FARS2: variants seen among roughly 807,000 people sequenced by gnomAD.
FARS2 encodes phenylalanine--tRNA ligase, mitochondrial.
A neutral mutation model predicts 46.4 loss-of-function variants in FARS2; 40 were observed. That is an observed-to-expected ratio of 0.86 (90% CI 0.67 to 1.12). The LOEUF (loss-of-function observed/expected upper bound fraction) is 1.12. Among genes scored for constraint, FARS2 ranks in the 50% most tolerant of loss-of-function variants. FARS2 has a pLI of 0.00. For synonymous variants in FARS2, 234 were observed against 214.9 expected, an observed-to-expected ratio of 1.09 and a Z score of -0.78; for missense variants, 513 against 567.9, an observed-to-expected ratio of 0.90 and a Z score of 0.98.
At chr6:5,506,603 C>A (rs1215624484) in intron 4 of FARS2, among the ~76,000 whole-genome samples, 1 of 152,164 alleles carries the variant, frequency 6.6e-6, no homozygotes, top group Non-Finnish European at 1.5e-5. Flanking sequence ...CCTAAGATTC[C>A]AGACGGGTAT....
chr6:5,647,106 A>C (rs1482277064), intron 6 of FARS2, among the ~76,000 whole-genome samples: 1 of 152,208 alleles, frequency 6.6e-6, no homozygotes, highest in Non-Finnish European at 1.5e-5. Context: ...TGTGTTCCTC[A>C]CCAACGGTAA....
At chr6:5,701,970 C>G (rs1275289888) in intron 6 of FARS2, among the ~76,000 whole-genome samples, 1 of 152,120 alleles carries the variant, frequency 6.6e-6, no homozygotes, top group Non-Finnish European at 1.5e-5. Flanking sequence ...TTGTCAGATA[C>G]AAAATACAGC....
chr6:5,623,585 G>A (rs4960111), intron 6 of FARS2, among the ~76,000 whole-genome samples: 47,325 of 151,732 alleles, frequency 0.31, 7,795 homozygotes, highest in African/African-American at 0.42. Context: ...GGTGGCACGC[G>A]CCTGTAATCC....
chr6:5,685,328 C>T (rs1032587480), intron 6 of FARS2, among the ~76,000 whole-genome samples: 6 of 152,222 alleles, frequency 3.9e-5, no homozygotes, highest in African/African-American at 1.2e-4. Flanking sequence ...GGTCTCTTCA[C>T]ACTAAAGTAT....
At chr6:5,557,427 T>A (rs1164921390) in intron 5 of FARS2, among the ~76,000 whole-genome samples, 2 of 152,022 alleles carry the variant, frequency 1.3e-5, no homozygotes, top group Non-Finnish European at 2.9e-5. Flanking sequence ...TTCATAAGAG[T>A]GAGGGAGAGT....
intron 6 of FARS2, among the ~76,000 whole-genome samples, chr6:5,740,656 C>A (rs573482564): frequency 3.1e-4 from 47 of 152,286 alleles, no homozygotes; most frequent in Non-Finnish European, 5.4e-4. Context: ...AGGAAGAAAG[C>A]GTGCTTCACC....
At chr6:5,573,949 C>G (rs1035676592) in intron 5 of FARS2, among the ~76,000 whole-genome samples, 4 of 152,108 alleles carry the variant, frequency 2.6e-5, no homozygotes, top group African/African-American at 9.7e-5. Context: ...GGTCTGTGAC[C>G]TAATGTATTT....
intron 6 of FARS2, among the ~76,000 whole-genome samples, chr6:5,768,333 A>C (rs1762854873): frequency 6.6e-6 from 1 of 152,208 alleles, no homozygotes; most frequent in Non-Finnish European, 1.5e-5. Context: ...ATTTACACCT[A>C]ATTCATCAAA....
intron 4 of FARS2, among the ~76,000 whole-genome samples, chr6:5,437,683 A>G (rs1019589735): frequency 6.6e-6 from 1 of 151,998 alleles, no homozygotes; most frequent in Non-Finnish European, 1.5e-5. Context: ...CTTCCTCCCC[A>G]GTTACCTTTA....
At chr6:5,407,068 A>ATATATATATATATATATATATATATATAT (rs1562017961) in intron 3 of FARS2, among the ~76,000 whole-genome samples, 3 of 42,874 alleles carry the variant, frequency 7.0e-5, no homozygotes, top group Non-Finnish European at 1.4e-4. Context: ...TATATATATA[A>ATATATATATATATATATATATATATATAT]TGACCAATAA....
At chr6:5,549,179 CTT>C (rs113605580) in intron 5 of FARS2, among the ~76,000 whole-genome samples, 2 of 140,874 alleles carry the variant, frequency 1.4e-5, no homozygotes, top group Admixed American at 7.2e-5. Context: ...ACTTTTCTGG[CTT>C]TTTTTTTTTT....
intron 2 of FARS2, among the ~76,000 whole-genome samples, chr6:5,390,916 G>C (rs189272693): frequency 6.6e-6 from 1 of 152,192 alleles, no homozygotes; most frequent in South Asian, 2.1e-4. Context: ...CCAAGAAACT[G>C]TTCACATTGA....
At chr6:5,572,733 C>A (rs976397130) in intron 5 of FARS2, among the ~76,000 whole-genome samples, 2 of 152,064 alleles carry the variant, frequency 1.3e-5, no homozygotes, top group African/African-American at 4.8e-5. Context: ...TTCTATCCAT[C>A]CTAGATCTAC....
In FARS2 at chr6:5,576,634, C is replaced by CAT. The variant is rs149957723; in HGVS notation, c.1065+31305_1065+31306dup. Among the ~76,000 whole-genome samples the CAT allele has an allele frequency of 5.2e-3, 751 of 145,770 alleles. 6 individuals are homozygous for CAT. The highest frequency in any genetic ancestry group is 0.018 in the African/African-American group (715 of 39,976). ...ATATAAAGTATATATCATATATTAACATATATATATATCCTATTAGTTCTG... is the reference window on the plus strand; with the variant it reads ...ATATAAAGTATATATCATATATTAACATATATATATATATCCTATTAGTTCTG... On this transcript the variant is annotated intron_variant, in intron 5 of 6. Transcript: ENST00000274680.
intron 5 of FARS2, among the ~76,000 whole-genome samples, chr6:5,598,272 A>G (rs1446499266): frequency 6.6e-6 from 1 of 151,854 alleles, no homozygotes; most frequent in Non-Finnish European, 1.5e-5. Context: ...AGTTCCCGCT[A>G]CTCTGGAGGC....
At chr6:5,501,294 A>G (rs996750663) in intron 4 of FARS2, among the ~76,000 whole-genome samples, 2 of 152,112 alleles carry the variant, frequency 1.3e-5, no homozygotes, top group African/African-American at 4.8e-5. Context: ...GTATTGAAAA[A>G]GATATTGCCT....
intron 1 of FARS2, among the ~76,000 whole-genome samples, chr6:5,309,428 T>G (rs1019463506): frequency 6.6e-6 from 1 of 152,284 alleles, no homozygotes; most frequent in East Asian, 1.9e-4. Context: ...ATATTCTAAT[T>G]TCATAAAAGC....
intron 5 of FARS2, among the ~76,000 whole-genome samples, chr6:5,570,126 C>T (rs778637621): frequency 6.6e-6 from 1 of 152,160 alleles, no homozygotes; most frequent in African/African-American, 2.4e-5. Flanking sequence ...GAGGTCTGTT[C>T]TCCCAAATGT....
intron 3 of FARS2, among the ~76,000 whole-genome samples, chr6:5,421,332 C>A (rs1243299295): frequency 6.6e-6 from 1 of 152,196 alleles, no homozygotes; most frequent in Non-Finnish European, 1.5e-5. Context: ...GCTCATGAAA[C>A]CACTTTTTCC....
Sources: gnomAD v4.1 joint callset for allele counts (sites outside exome capture counted in the v4.1 genomes callset) on GRCh38, gnomAD v4.1.1 for gene constraint, MANE v1.5 for transcripts, NCBI Gene and HGNC (gene_info 2026-07-23, HGNC 2026-07-21) for gene names.